TALDO1: variants seen among roughly 807,000 people sequenced by gnomAD.
TALDO1 encodes transaldolase.
A neutral mutation model predicts 38.1 loss-of-function variants in TALDO1; 29 were observed. The ratio of observed to expected loss-of-function variants is 0.76; its 90% CI spans 0.57 to 1.04. The LOEUF is 1.04. Among genes scored for constraint, TALDO1 ranks in the 50% least tolerant of loss-of-function variants. The pLI, the probability that TALDO1 is intolerant of heterozygous loss-of-function variation, is 0.00. For synonymous variants in TALDO1, 207 were observed against 176.8 expected, an observed-to-expected ratio of 1.17 and a Z score of -1.36; for missense variants, 499 against 438.1, an observed-to-expected ratio of 1.14 and a Z score of -1.24.
rs138421002 is a variant in TALDO1, at chr11:764,550, G to A, written c.981+117G>A. 1.4e-3 allele frequency: 2,068 copies of A among 1,501,188 alleles called. 28 individuals carry two copies. The African/African-American group carries it at 0.024, about 18-fold the overall frequency. The allele number at this position is 1,501,188 out of a possible 1,614,324, so 93.0% of individuals were successfully genotyped here. On this transcript the variant is annotated intron_variant, in intron 7 of 7. Coordinates refer to ENST00000319006, the MANE Select transcript of TALDO1 (RefSeq NM_006755.2). ...TGGTGAGACCCCAGGTCTCATTCAC[G>A]TGCTGTCCAGCAAGTGGGGCCTGTT...
intron 7 of TALDO1, 161 bp downstream of exon 7, chr11:764,594 A>G: frequency 7.4e-7 from 1 of 1,357,814 alleles, no homozygotes; most frequent in Admixed American, 2.0e-5. Context: ...CCCAGGGTGG[A>G]GGGTGCATGG....
At chr11:764,509 G>T in intron 7 of TALDO1, 76 bp downstream of exon 7, 1 of 1,572,140 alleles carries the variant, frequency 6.4e-7, no homozygotes, top group Non-Finnish European at 8.6e-7. Flanking sequence ...GTTCAAGCTG[G>T]GCAGAGTTAA....
At chr11:763,263 ACCGTCCCCGCCCTCAC>A (rs1389200992) in intron 4 of TALDO1, 65 bp from the exon 5 acceptor site, 22 of 91,750 alleles carry the variant, frequency 2.4e-4, no homozygotes, top group Middle Eastern at 7.1e-3. Context: ...CCCCGCCCTC[ACCGTCCCCGCCCTCAC>A]CCGCCCCCGC....
Position 760,075 on chromosome 11 carries a change from G to T in TALDO1, c.330-47G>T, listed in dbSNP as rs747407602. ...CGGCCTCCAGCTTGCTCTGCGTGGT[G>T]GGCAACCTGCGTGATCTGAGGGGAT... On this transcript the variant is annotated intron_variant, in intron 3 of 7. Coordinates refer to ENST00000319006, the MANE Select transcript of TALDO1 (RefSeq NM_006755.2). 63 of 1,611,568 alleles carry T rather than the reference G, an allele frequency of 3.9e-5. No individual in the cohort carries two copies. In the East Asian group the frequency reaches 8.9e-4, roughly 23 times the overall value.
intron 1 of TALDO1, among the ~76,000 whole-genome samples, chr11:755,117 A>AGTGCTTTT (rs1862810040): frequency 7.7e-6 from 1 of 130,580 alleles, no homozygotes; most frequent in South Asian, 2.7e-4. Flanking sequence ...GTGTGTCCTG[A>AGTGCTTTT]GTGCTTTTCC....
intron 1 of TALDO1, among the ~76,000 whole-genome samples, chr11:753,122 A>G (rs1232844709): frequency 6.6e-6 from 1 of 152,136 alleles, no homozygotes; most frequent in Admixed American, 6.5e-5. Context: ...GGCCGGGCGC[A>G]GTGGCTCACG....
intron 1 of TALDO1, among the ~76,000 whole-genome samples, chr11:749,190 G>A (rs964366573): frequency 2.0e-5 from 3 of 152,088 alleles, no homozygotes; most frequent in African/African-American, 7.2e-5. Flanking sequence ...GGATCACGAG[G>A]TCAGGAGTTC....
intron 4 of TALDO1, among the ~76,000 whole-genome samples, chr11:763,074 C>T (rs967690138): frequency 6.6e-6 from 1 of 150,808 alleles, no homozygotes; most frequent in South Asian, 2.1e-4. Context: ...GCCCTCGAGT[C>T]TTACCGATTT....
intron 2 of TALDO1, 120 bp downstream of exon 2, chr11:756,122 C>T: frequency 2.1e-6 from 3 of 1,408,470 alleles, no homozygotes; most frequent in Non-Finnish European, 2.8e-6. Flanking sequence ...GGGAAAAAAA[C>T]CCTATCTTTT....
chr11:747,515 G>A lies in TALDO1; in HGVS notation c.34G>A (p.Glu12Lys). 6.2e-7 allele frequency: 1 copy of A among 1,600,542 alleles called. No homozygotes were observed. Among genetic ancestry groups the A allele is most frequent in the East Asian group, 2.3e-5 (1 of 43,616 alleles). Reference protein sequence around the residue: ...SSSPVKRQRMESALDQLKQFT... With the variant: ...SSSPVKRQRMKSALDQLKQFT... ...CTCACCCGTGAAGCGTCAGAGGATG[G>A]AGTCCGCGCTGGACCAGCTCAAGCA... Residue 12 changes from glutamate to lysine, a missense_variant, in exon 1 of 8, where the codon GAG becomes AAG. Coordinates refer to ENST00000319006, the MANE Select transcript of TALDO1 (RefSeq NM_006755.2).
At chr11:761,886 G>A (rs933486827) in intron 4 of TALDO1, among the ~76,000 whole-genome samples, 15 of 152,150 alleles carry the variant, frequency 9.9e-5, no homozygotes, top group Non-Finnish European at 1.8e-4. Flanking sequence ...CTGGGCTCAA[G>A]AGATCTCTAC....
chr11:755,722 G>C, intron 1 of TALDO1, 157 bp from the exon 2 acceptor site: 1 of 1,035,576 alleles, frequency 9.7e-7, no homozygotes, highest in Admixed American at 2.1e-5. Flanking sequence ...TGAACCTTCA[G>C]TGACCCAGAA....
chr11:751,393 C>G (rs1028286226), intron 1 of TALDO1, among the ~76,000 whole-genome samples: 1 of 152,112 alleles, frequency 6.6e-6, no homozygotes, highest in Non-Finnish European at 1.5e-5. Flanking sequence ...TTGGGGCCAG[C>G]CTCGGTGGCT....
At chr11:752,406 C>T (rs1296477896) in intron 1 of TALDO1, 2 of 152,320 alleles carry the variant, frequency 1.3e-5, no homozygotes, top group Non-Finnish European at 2.9e-5. Context: ...AATTGTGGGT[C>T]CTAAGACCCT....
At chr11:759,908 A>G (rs945290072) in intron 3 of TALDO1, among the ~76,000 whole-genome samples, 4 of 152,242 alleles carry the variant, frequency 2.6e-5, no homozygotes, top group Non-Finnish European at 2.9e-5. Context: ...ATTATAGCCT[A>G]TGGATCCCAC....
At chr11:751,360 T>A (rs565016748) in intron 1 of TALDO1, among the ~76,000 whole-genome samples, 1 of 152,304 alleles carries the variant, frequency 6.6e-6, no homozygotes, top group South Asian at 2.1e-4. Flanking sequence ...TGGTCTTCGA[T>A]CTGTCCAAAG....
chr11:756,231 A>T (rs1564991428), intron 2 of TALDO1: 2 of 589,686 alleles, frequency 3.4e-6, no homozygotes, highest in East Asian at 6.1e-5. Context: ...GTACCCTGTA[A>T]ATACCACCCC....
chr11:751,682 C>T (rs964264047), intron 1 of TALDO1, among the ~76,000 whole-genome samples: 37 of 152,130 alleles, frequency 2.4e-4, no homozygotes, highest in Non-Finnish European at 4.3e-4. Context: ...GTAATCCCAG[C>T]TACTCGAGAG....
At chr11:764,590 G>T (rs1305567750) in intron 7 of TALDO1, 157 bp downstream of exon 7, 1 of 1,383,030 alleles carries the variant, frequency 7.2e-7, no homozygotes, top group Non-Finnish European at 1.0e-6. Context: ...CCATCCCAGG[G>T]TGGAGGGTGC....
Sources: allele counts gnomAD v4.1 joint callset (sites outside exome capture counted in the v4.1 genomes callset), GRCh38; gene constraint gnomAD v4.1.1; transcripts MANE v1.5; gene names NCBI Gene and HGNC (gene_info 2026-07-23, HGNC 2026-07-21).